Variants in ABAT observed in about 807,000 individuals in gnomAD.
The protein encoded by ABAT is 4-aminobutyrate aminotransferase.
In ABAT, 45 loss-of-function variants were observed where a neutral mutation model predicts 64.6. That is an observed-to-expected ratio of 0.70 (90% confidence interval 0.55 to 0.89). The LOEUF is 0.89. Among genes scored for constraint, ABAT ranks in the 40% least tolerant of loss-of-function variants. ABAT has a pLI of 0.00. For missense variants in ABAT, 633 were observed against 658.4 expected (o/e 0.96, Z 0.42); for synonymous variants, 297 against 250.5 (o/e 1.19, Z -1.75).
chr16:8,742,206 A>G (rs2059182281), intron 2 of ABAT, among the ~76,000 whole-genome samples: 1 of 152,078 alleles, frequency 6.6e-6, no homozygotes, highest in African/African-American at 2.4e-5. Context: ...TGACATGCTC[A>G]TTATCGCAGT....
At chr16:8,773,340 C>A (rs1448756297) in intron 12 of ABAT, among the ~76,000 whole-genome samples, 1 of 151,960 alleles carries the variant, frequency 6.6e-6, no homozygotes, top group Non-Finnish European at 1.5e-5. Flanking sequence ...CTAACAGAGA[C>A]GAGATTTCGC....
At chr16:8,777,928 C>A (rs2143000001) in intron 14 of ABAT, among the ~76,000 whole-genome samples, 1 of 152,140 alleles carries the variant, frequency 6.6e-6, no homozygotes, top group Middle Eastern at 3.4e-3. Flanking sequence ...CCAGCCCGGG[C>A]AACATGGTGA....
chr16:8,773,551 T>A (rs12448823), intron 12 of ABAT, among the ~76,000 whole-genome samples: 37,574 of 152,210 alleles, frequency 0.25, 5,295 homozygotes, highest in Admixed American at 0.33. Flanking sequence ...ATATTTATCA[T>A]CTCTTTGTAT....
intron 1 of ABAT, chr16:8,715,509 C>G (rs2058188650): frequency 6.6e-6 from 1 of 151,700 alleles, no homozygotes; most frequent in African/African-American, 2.4e-5. Flanking sequence ...GCCTGTGATC[C>G]CAGCTACTCA....
At chr16:8,779,689 G>T in intron 15 of ABAT, 99 bp downstream of exon 15, 1 of 941,860 alleles carries the variant, frequency 1.1e-6, no homozygotes, top group East Asian at 2.5e-5. Context: ...TTTGTGTGGG[G>T]GGCAGGTGGT....
At chr16:8,773,228 T>A (rs1341817294) in intron 12 of ABAT, among the ~76,000 whole-genome samples, 1 of 151,676 alleles carries the variant, frequency 6.6e-6, no homozygotes, top group African/African-American at 2.4e-5. Context: ...CTCAGCTCAC[T>A]GCAACCCCTA....
chr16:8,711,708 ATGGATGGATGGATGGGAAGATGGATGGG>A (rs2058073345), intron 1 of ABAT, among the ~76,000 whole-genome samples: 1 of 101,334 alleles, frequency 9.9e-6, no homozygotes. Context: ...GATTGGATGG[ATGGATGGATGGATGGGAAGATGGATGGG>A]TGGATGGATG....
In ABAT at chr16:8,750,462, G is replaced by C. The variant is rs1225980950; in HGVS notation, c.239G>C (p.Ser80Thr). 1 of 1,614,070 alleles carries C rather than the reference G, an allele frequency of 6.2e-7. No individual in the cohort carries two copies. Among genetic ancestry groups the C allele is most frequent in the Non-Finnish European group, 8.5e-7 (1 of 1,180,040 alleles). Reference sequence around the variant, plus strand: ...CATTTTTTCTGCAATTACGAAGAGAGCCGAGGCAATTACCTGGTTGATGTG... The same window carrying C: ...CATTTTTTCTGCAATTACGAAGAGACCCGAGGCAATTACCTGGTTGATGTG... ...AVHFFCNYEE[S>T]RGNYLVDVDG... The change falls in exon 5 of 16, where the codon AGC becomes ACC. Residue 80 changes from serine (S) to threonine (T), a missense_variant. By Grantham distance (58) the Ser-to-Thr change is moderately conservative. Coordinates refer to ENST00000268251, the MANE Select transcript of ABAT (RefSeq NM_020686.6).
chr16:8,740,800 T>G (rs1409609883), intron 2 of ABAT, among the ~76,000 whole-genome samples: 1 of 152,254 alleles, frequency 6.6e-6, no homozygotes, highest in Non-Finnish European at 1.5e-5. Flanking sequence ...TAAATGTGTT[T>G]TCTTTTTTCC....
chr16:8,729,029 G>A (rs758261644), intron 1 of ABAT, among the ~76,000 whole-genome samples: 1 of 151,916 alleles, frequency 6.6e-6, no homozygotes. Context: ...GCTAGGGGCC[G>A]GGCACGGTGG....
At chr16:8,750,262 C>T (rs2059440842) in intron 4 of ABAT, among the ~76,000 whole-genome samples, 160 bp from the exon 5 acceptor site, 1 of 152,178 alleles carries the variant, frequency 6.6e-6, no homozygotes, top group African/African-American at 2.4e-5. Context: ...CACCCATGCA[C>T]TTAGCCAAAA....
chr16:8,770,345 G>C (rs971539990), intron 11 of ABAT, among the ~76,000 whole-genome samples: 4 of 152,128 alleles, frequency 2.6e-5, no homozygotes, highest in African/African-American at 9.7e-5. Flanking sequence ...CACCGTGTTA[G>C]CCAGGATGGT....
Position 8,781,836 on chromosome 16 carries a change from T to A in ABAT, c.*406T>A, listed in dbSNP as rs1269008950. On this transcript the variant is annotated 3_prime_UTR_variant, in exon 16 of 16. Transcript: ENST00000268251. The surrounding 1 kb of genome is among the most constrained non-coding windows in gnomAD (Gnocchi z 4.5). Reference sequence around the variant, plus strand: ...TGCCAGTCCATCTCAAGTGCCATATTCTGTGATCACGGATGTTGGCTCCCC... The same window carrying A: ...TGCCAGTCCATCTCAAGTGCCATATACTGTGATCACGGATGTTGGCTCCCC... The A allele has an allele frequency of 5.7e-6, 2 of 350,336 alleles. No individual in the cohort carries two copies. The highest frequency in any genetic ancestry group is 4.3e-5 in the African/African-American group (2 of 46,798). 21.7% of individuals were successfully genotyped at this position (350,336 alleles called of 1,614,324 possible).
At chr16:8,738,385 C>T (rs996592294) in intron 2 of ABAT, 4 of 455,606 alleles carry the variant, frequency 8.8e-6, no homozygotes, top group Admixed American at 4.7e-5. Flanking sequence ...ATTAACCAAA[C>T]TCCAGACTTT....
At position 8,764,277 on chromosome 16, in the gene ABAT, C is replaced by T; in HGVS notation, c.447+128C>T. 1 of 833,088 alleles carries T rather than the reference C, an allele frequency of 1.2e-6. No individual in the cohort carries two copies. The highest frequency in any genetic ancestry group is 2.2e-5 in the Admixed American group (1 of 46,276). 51.6% of individuals were successfully genotyped at this position (833,088 alleles called of 1,614,324 possible). On this transcript the variant is annotated intron_variant, in intron 7 of 15. Transcript: ENST00000268251. The surrounding 1 kb of genome is among the most constrained non-coding windows in gnomAD (Gnocchi z 4.2). Reference sequence around the variant, plus strand: ...ATCTTTCTCTCTGAGCTTATTCTTCCATGCAGAGTATTTTAAATTTTTCTT... The same window carrying T: ...ATCTTTCTCTCTGAGCTTATTCTTCTATGCAGAGTATTTTAAATTTTTCTT...
chr16:8,746,113 C>A lies in ABAT; in HGVS notation c.168+15C>A, dbSNP rs779152057. 18 of 1,599,882 alleles carry A rather than the reference C, an allele frequency of 1.1e-5. No individual in the cohort carries two copies. Among genetic ancestry groups the A allele is most frequent in the Admixed American group, 1.7e-5 (1 of 59,966 alleles). On this transcript the variant is annotated intron_variant, in intron 3 of 15. Coordinates refer to ENST00000268251, the MANE Select transcript of ABAT (RefSeq NM_020686.6). Reference sequence around the variant, plus strand: ...CTAGATCTCAGGTGAGTTGAGCACACCTGAGTGGGGTATTTTGGAAAAGGG... The same window carrying A: ...CTAGATCTCAGGTGAGTTGAGCACAACTGAGTGGGGTATTTTGGAAAAGGG...
intron 1 of ABAT, among the ~76,000 whole-genome samples, chr16:8,721,593 C>T (rs541426698): frequency 1.1e-3 from 170 of 152,278 alleles, no homozygotes; most frequent in Non-Finnish European, 2.2e-3. Context: ...TAACGCCAGC[C>T]AATCCTGCAG....
At chr16:8,749,713 A>T (rs1336815171) in intron 4 of ABAT, among the ~76,000 whole-genome samples, 1 of 147,308 alleles carries the variant, frequency 6.8e-6, no homozygotes, top group African/African-American at 2.5e-5. Context: ...TCCTCTTTTA[A>T]TGTTTTTGTT....
intron 9 of ABAT, among the ~76,000 whole-genome samples, chr16:8,767,647 G>C (rs1411965016): frequency 1.3e-5 from 2 of 152,150 alleles, no homozygotes; most frequent in African/African-American, 4.8e-5. Context: ...CAGAAGTTCA[G>C]GTCTCTATGT....
Sources: gnomAD v4.1 joint callset for allele counts (sites outside exome capture counted in the v4.1 genomes callset) on GRCh38, gnomAD v4.1.1 for gene constraint, Gnocchi (gnomAD v3.1) non-coding constraint, MANE v1.5 for transcripts, NCBI Gene and HGNC (gene_info 2026-07-23, HGNC 2026-07-21) for gene names.